Variants in PIGK observed in about 807,000 individuals in gnomAD.
PIGK encodes GPI-anchor transamidase.
A neutral mutation model predicts 50.6 loss-of-function variants in PIGK; 42 were observed. The observed-to-expected ratio is 0.83, with a 90% confidence interval of 0.65 to 1.07. The LOEUF is 1.07. Among genes scored for constraint, PIGK ranks in the 50% least tolerant of loss-of-function variants. The pLI, the probability that PIGK is intolerant of heterozygous loss-of-function variation, is 0.00. For synonymous variants in PIGK, 151 were observed against 156.0 expected (o/e 0.97, Z 0.24); for missense variants, 448 against 488.7 (o/e 0.92, Z 0.78).
At chr1:77,189,798 C>T (rs1056196556) in intron 3 of PIGK, among the ~76,000 whole-genome samples, 5 of 138,174 alleles carry the variant, frequency 3.6e-5, no homozygotes, top group South Asian at 2.3e-4. Flanking sequence ...TATACATATA[C>T]GTATATGTAT....
At chr1:77,104,443 T>C (rs1013269342) in intron 10 of PIGK, among the ~76,000 whole-genome samples, 1 of 151,786 alleles carries the variant, frequency 6.6e-6, no homozygotes, top group African/African-American at 2.4e-5. Context: ...AAAAAATACA[T>C]TGGATGGAAT....
chr1:77,143,123 T>C (rs1456208687), intron 9 of PIGK, among the ~76,000 whole-genome samples: 5 of 152,196 alleles, frequency 3.3e-5, no homozygotes, highest in African/African-American at 7.2e-5. Flanking sequence ...TAAAGTGTTA[T>C]TGTATAAATC....
chr1:77,206,959 G>C (rs1042732232), intron 2 of PIGK, among the ~76,000 whole-genome samples: 1 of 152,168 alleles, frequency 6.6e-6, no homozygotes, highest in Non-Finnish European at 1.5e-5. Flanking sequence ...TTGGGTCCAG[G>C]AGTTCGAGAC....
intron 9 of PIGK, among the ~76,000 whole-genome samples, chr1:77,145,242 A>C (rs538946404): frequency 1.3e-5 from 2 of 152,098 alleles, no homozygotes; most frequent in Admixed American, 6.5e-5. Context: ...CCATATGTTC[A>C]ATAATGTAAT....
chr1:77,106,453 CT>C (rs1197823075), intron 10 of PIGK, among the ~76,000 whole-genome samples: 1 of 152,084 alleles, frequency 6.6e-6, no homozygotes, highest in Non-Finnish European at 1.5e-5. Context: ...AACAACATTC[CT>C]TTTAAAATAA....
intron 3 of PIGK, among the ~76,000 whole-genome samples, chr1:77,197,698 G>A (rs1266834505): frequency 6.6e-6 from 1 of 152,152 alleles, no homozygotes; most frequent in Non-Finnish European, 1.5e-5. Context: ...TTGTGGTCTG[G>A]CCTAACTCAC....
At chr1:77,198,199 T>C (rs1656079071) in intron 3 of PIGK, among the ~76,000 whole-genome samples, 1 of 152,092 alleles carries the variant, frequency 6.6e-6, no homozygotes, top group Admixed American at 6.6e-5. Context: ...TCATTTATCC[T>C]TTTTCTTTAT....
chr1:77,132,773 A>G (rs552530954), intron 9 of PIGK, among the ~76,000 whole-genome samples: 1 of 152,122 alleles, frequency 6.6e-6, no homozygotes, highest in East Asian at 1.9e-4. Context: ...AAACATTTTG[A>G]TTTCATCTTC....
At chr1:77,095,820 C>T (rs1157169014) in intron 10 of PIGK, among the ~76,000 whole-genome samples, 1 of 152,008 alleles carries the variant, frequency 6.6e-6, no homozygotes, top group African/African-American at 2.4e-5. Context: ...CACTTGGAAC[C>T]ATATAACAAC....
In PIGK at chr1:77,176,672, T is replaced by C. The variant is rs556896982; in HGVS notation, c.240-7277A>G. The stretch of plus-strand genomic sequence containing the variant: ...ATGGAAAGAACCTGAAAAGCACTCT[T>C]GAATACAGGTTCCTGATAACATAAG... On this transcript the variant is annotated intron_variant, in intron 3 of 10. Coordinates refer to ENST00000370812, the MANE Select transcript of PIGK (RefSeq NM_005482.3). Among the ~76,000 whole-genome samples, 3 of 152,306 alleles carry C rather than the reference T, an allele frequency of 2.0e-5. No homozygotes were observed. In the East Asian group the frequency reaches 5.8e-4, roughly 29 times the overall value.
chr1:77,132,880 T>C (rs746624266), intron 9 of PIGK, among the ~76,000 whole-genome samples: 1 of 152,228 alleles, frequency 6.6e-6, no homozygotes, highest in Admixed American at 6.5e-5. Context: ...TTTATGGTTC[T>C]GATTGTAATA....
At position 77,146,773 on chromosome 1, in the gene PIGK, G is replaced by A. The variant is rs571656069; in HGVS notation, c.986+7676C>T. ...GATTGTGCCACTGCACTCCAGCCTG[G>A]GCGACACAGCGAGACTCTGTCTAAA... On this transcript the variant is annotated intron_variant, in intron 9 of 10. Coordinates refer to ENST00000370812, the MANE Select transcript of PIGK (RefSeq NM_005482.3). 7.9e-5 allele frequency among the ~76,000 whole-genome samples: 12 copies of A among 151,940 alleles called. No homozygotes were observed. The South Asian group carries it at 2.5e-3, about 32-fold the overall frequency.
chr1:77,195,090 C>T (rs1656000606), intron 3 of PIGK: 6 of 1,033,530 alleles, frequency 5.8e-6, no homozygotes, highest in South Asian at 1.2e-5. Context: ...ACAACCCAGA[C>T]TGGTGAGGTG....
chr1:77,106,407 T>C (rs1426833771), intron 10 of PIGK, among the ~76,000 whole-genome samples: 3 of 152,204 alleles, frequency 2.0e-5, no homozygotes, highest in African/African-American at 7.2e-5. Context: ...AATTAACTTT[T>C]TGGAACACTA....
intron 9 of PIGK, among the ~76,000 whole-genome samples, chr1:77,148,132 C>T (rs1204207136): frequency 6.6e-6 from 1 of 152,052 alleles, no homozygotes; most frequent in Non-Finnish European, 1.5e-5. Context: ...TATACTCCAG[C>T]CTATAATTTC....
intron 10 of PIGK, among the ~76,000 whole-genome samples, chr1:77,100,092 T>C (rs1191658792): frequency 6.6e-6 from 1 of 152,156 alleles, no homozygotes; most frequent in Admixed American, 6.5e-5. Context: ...ACTTTAAAAA[T>C]AGTTAACAGA....
intron 10 of PIGK, among the ~76,000 whole-genome samples, chr1:77,116,733 GT>G (rs1423718487): frequency 6.6e-6 from 1 of 152,018 alleles, no homozygotes; most frequent in African/African-American, 2.4e-5. Context: ...TCAGTACTTA[GT>G]TTACTGAGTT....
chr1:77,104,127 T>C (rs1211633707), intron 10 of PIGK, among the ~76,000 whole-genome samples: 1 of 150,344 alleles, frequency 6.7e-6, no homozygotes, highest in Non-Finnish European at 1.5e-5. Context: ...ACTCACTATA[T>C]AAATAAAACA....
intron 10 of PIGK, among the ~76,000 whole-genome samples, chr1:77,098,373 G>A (rs1256294894): frequency 6.6e-6 from 1 of 151,818 alleles, no homozygotes; most frequent in East Asian, 1.9e-4. Context: ...TTGTCACACA[G>A]GCTGGTGTGC....
Sources: gnomAD v4.1 joint callset for allele counts (sites outside exome capture counted in the v4.1 genomes callset) on GRCh38, gnomAD v4.1.1 for gene constraint, MANE v1.5 for transcripts, NCBI Gene and HGNC (gene_info 2026-07-23, HGNC 2026-07-21) for gene names.